Variants in ATXN2 observed in about 807,000 individuals in gnomAD.
ATXN2 encodes ataxin-2.
A neutral mutation model predicts 138.6 loss-of-function variants in ATXN2; 37 were observed. The observed-to-expected ratio is 0.27, with a 90% CI of 0.21 to 0.35. ATXN2 has a LOEUF of 0.35. ATXN2 is among the 10% of genes least tolerant of loss of function. The pLI, the probability that ATXN2 is intolerant of heterozygous loss-of-function variation, is 1.00. For missense variants in ATXN2, 1,216 were observed against 1,480.3 expected, an observed-to-expected ratio of 0.82 and a Z score of 2.93; for synonymous variants, 549 against 543.7, an observed-to-expected ratio of 1.01 and a Z score of -0.13.
intron 5 of ATXN2, among the ~76,000 whole-genome samples, chr12:111,549,977 G>A (rs147360292): frequency 1.3e-4 from 19 of 150,502 alleles, no homozygotes; most frequent in Non-Finnish European, 2.4e-4. Flanking sequence ...CAAGAGAATC[G>A]CTTGAACCCA....
chr12:111,510,453 G>A lies in ATXN2; in HGVS notation c.1688C>T (p.Pro563Leu). 1 of 1,614,154 alleles carries A rather than the reference G, an allele frequency of 6.2e-7. No homozygotes were observed. The highest frequency in any genetic ancestry group is 8.5e-7 in the Non-Finnish European group (1 of 1,180,024). The change falls in exon 12 of 25, where the codon CCT becomes CTT. Residue 563 changes from proline (P) to leucine (L), a missense_variant. By Grantham distance (98) the Pro-to-Leu change is moderately conservative. Transcript: ENST00000673436. ...AGGCGTAGGAGATGCAGCTGGAATA[G>A]GCATGGCAACAGCTTCAGTTGGAAT... is the stretch of plus-strand genomic sequence containing the variant. ...GIIPTEAVAM[P>L]IPAASPTPAS...
At chr12:111,571,319 C>G (rs1883299570) in intron 1 of ATXN2, among the ~76,000 whole-genome samples, 1 of 152,158 alleles carries the variant, frequency 6.6e-6, no homozygotes, top group Non-Finnish European at 1.5e-5. Context: ...AGGCATTCTC[C>G]ACAAAACAGT....
intron 14 of ATXN2, among the ~76,000 whole-genome samples, chr12:111,504,652 A>G (rs1415919808): frequency 6.6e-6 from 1 of 152,120 alleles, no homozygotes; most frequent in African/African-American, 2.4e-5. Flanking sequence ...CGGAAGAATG[A>G]ATCTGAACTT....
chr12:111,585,390 G>A (rs1054117093), intron 1 of ATXN2, among the ~76,000 whole-genome samples: 7 of 151,776 alleles, frequency 4.6e-5, no homozygotes, highest in Non-Finnish European at 1.0e-4. Flanking sequence ...GCGGGCACCC[G>A]TAATCCCAGC....
chr12:111,544,028 G>C (rs1196069758), intron 5 of ATXN2, among the ~76,000 whole-genome samples: 3 of 152,120 alleles, frequency 2.0e-5, no homozygotes, highest in Non-Finnish European at 4.4e-5. Context: ...AGTAAGCCAT[G>C]ATCACACCAC....
At chr12:111,518,746 A>T (rs1256583744) in intron 8 of ATXN2, among the ~76,000 whole-genome samples, 1 of 151,862 alleles carries the variant, frequency 6.6e-6, no homozygotes, top group African/African-American at 2.4e-5. Context: ...TCACTTTCTC[A>T]ATTTTATTTT....
intron 21 of ATXN2, among the ~76,000 whole-genome samples, chr12:111,463,089 A>G (rs957145456): frequency 9.8e-5 from 15 of 152,294 alleles, no homozygotes; most frequent in Admixed American, 5.2e-4. Context: ...TGCATTTTAA[A>G]TGCTAATATG....
At chr12:111,499,531 C>A (rs1189411922) in intron 14 of ATXN2, among the ~76,000 whole-genome samples, 1 of 151,200 alleles carries the variant, frequency 6.6e-6, no homozygotes, top group Admixed American at 6.6e-5. Context: ...AGGAGAAATC[C>A]CGTCTCTACT....
intron 1 of ATXN2, among the ~76,000 whole-genome samples, chr12:111,596,373 TCACA>T (rs35861967): frequency 2.6e-5 from 4 of 151,068 alleles, no homozygotes; most frequent in African/African-American, 4.9e-5. Flanking sequence ...GAAAAACTAT[TCACA>T]CACACACACA....
In ATXN2 at chr12:111,452,580, C is replaced by G. The variant is rs1258906932; in HGVS notation, c.*232G>C. 3 of 542,992 alleles carry G rather than the reference C, an allele frequency of 5.5e-6. No homozygotes were observed. In the African/African-American group the frequency reaches 5.7e-5, roughly 10 times the overall value. The allele number at this position is 542,992 out of a possible 1,614,324, so 33.6% of individuals were successfully genotyped here. On this transcript the variant is annotated 3_prime_UTR_variant, in exon 25 of 25. Transcript: ENST00000673436. The stretch of plus-strand genomic sequence containing the variant: ...GCAGAGCTGGGGTACCTGCGGGACT[C>G]TGAAACAGCATATGGAATTATGGAA...
intron 2 of ATXN2, among the ~76,000 whole-genome samples, chr12:111,554,599 T>C (rs950442274): frequency 6.6e-6 from 1 of 152,180 alleles, no homozygotes; most frequent in African/African-American, 2.4e-5. Flanking sequence ...TAATGGTGTT[T>C]TGACTAAACA....
At chr12:111,592,272 C>T (rs1214825466) in intron 1 of ATXN2, among the ~76,000 whole-genome samples, 1 of 151,426 alleles carries the variant, frequency 6.6e-6, no homozygotes, top group East Asian at 1.9e-4. Context: ...TGCCTGTAAT[C>T]CCAGCTATTC....
chr12:111,534,304 G>A (rs1290422366), intron 5 of ATXN2, among the ~76,000 whole-genome samples: 1 of 151,960 alleles, frequency 6.6e-6, no homozygotes, highest in African/African-American at 2.4e-5. Context: ...GGGAGGCTGA[G>A]GTGGGAGAAT....
intron 5 of ATXN2, among the ~76,000 whole-genome samples, chr12:111,544,860 T>C (rs1881718596): frequency 6.6e-6 from 1 of 152,166 alleles, no homozygotes; most frequent in Admixed American, 6.5e-5. Flanking sequence ...GAATTCAGGA[T>C]TAAAAAGAAT....
chr12:111,587,184 T>C (rs1200413423), intron 1 of ATXN2, among the ~76,000 whole-genome samples: 2 of 150,488 alleles, frequency 1.3e-5, no homozygotes, highest in Non-Finnish European at 2.9e-5. Context: ...GGAATGAAAA[T>C]AGTTAACTGC....
intron 1 of ATXN2, chr12:111,581,476 G>A: frequency 1.1e-6 from 1 of 951,030 alleles, no homozygotes; most frequent in Non-Finnish European, 1.7e-6. Context: ...CTGTGCTGGG[G>A]GCACCCCACA....
chr12:111,465,309 T>A (rs1183538927), intron 20 of ATXN2, among the ~76,000 whole-genome samples: 1 of 150,652 alleles, frequency 6.6e-6, no homozygotes, highest in Non-Finnish European at 1.5e-5. Flanking sequence ...TTTTTTTTTT[T>A]AACTTAACTA....
chr12:111,522,977 TAA>T (rs879482898), intron 6 of ATXN2, among the ~76,000 whole-genome samples: 1 of 141,432 alleles, frequency 7.1e-6, no homozygotes. Context: ...AACAGCTCTT[TAA>T]AAAAAAAAAA....
chr12:111,597,756 C>T (rs753307769), intron 1 of ATXN2: 1 of 900,044 alleles, frequency 1.1e-6, no homozygotes, highest in South Asian at 1.4e-5. Context: ...CGCCTTTCTG[C>T]CTTCAGGAAC....
Sources: gnomAD v4.1 joint callset for allele counts (sites outside exome capture counted in the v4.1 genomes callset) on GRCh38, gnomAD v4.1.1 for gene constraint, MANE v1.5 for transcripts, NCBI Gene and HGNC (gene_info 2026-07-23, HGNC 2026-07-21) for gene names.